Variants in MFSD11 observed in about 807,000 individuals in gnomAD.
MFSD11 encodes the protein UNC93-like protein MFSD11.
A neutral mutation model predicts 53.5 loss-of-function variants in MFSD11; 36 were observed. The observed-to-expected ratio is 0.67, with a 90% CI of 0.52 to 0.89. MFSD11 has a LOEUF of 0.89. MFSD11 is among the 40% of genes least tolerant of loss of function. MFSD11 has a pLI of 0.00. For missense variants in MFSD11, 530 were observed against 543.9 expected, an observed-to-expected ratio of 0.97 and a Z score of 0.25; for synonymous variants, 186 against 184.9, an observed-to-expected ratio of 1.01 and a Z score of -0.05.
intron 10 of MFSD11, 55 bp from the exon 11 acceptor site, chr17:76,774,942 T>C: frequency 6.4e-7 from 1 of 1,564,332 alleles, no homozygotes; most frequent in South Asian, 1.2e-5. Context: ...AACTCAGGCC[T>C]GGGTATGTGA....
chr17:76,780,333 T>C (rs1310141896), downstream of MFSD11, among the ~76,000 whole-genome samples: 2 of 152,070 alleles, frequency 1.3e-5, no homozygotes, highest in Non-Finnish European at 2.9e-5. Flanking sequence ...TTGTTTTTTT[T>C]TTCTTTTCAA....
In MFSD11 at chr17:76,739,338, C is replaced by T. The variant is rs187052869; in HGVS notation, c.152+345C>T. Among the ~76,000 whole-genome samples, 293 of 152,276 alleles carry T rather than the reference C, an allele frequency of 1.9e-3. 1 individual carries two copies. The highest frequency in any genetic ancestry group is 6.9e-3 in the African/African-American group (285 of 41,558). Reference sequence around the variant, plus strand: ...TCTAGTATTGTCATGATTAGAATTCCCAGTCCTATAGAAGATGTTGTGATT... The same window carrying T: ...TCTAGTATTGTCATGATTAGAATTCTCAGTCCTATAGAAGATGTTGTGATT... On this transcript the variant is annotated intron_variant, in intron 2 of 12. Transcript: ENST00000685175.
At chr17:76,754,280 G>C (rs1020935920) in intron 8 of MFSD11, 193 bp downstream of exon 8, 2 of 545,524 alleles carry the variant, frequency 3.7e-6, no homozygotes, top group African/African-American at 3.8e-5. Flanking sequence ...ATGGATGATG[G>C]TATGACTGCC....
In MFSD11 at chr17:76,743,443, A is replaced by G; in HGVS notation, c.483A>G (p.Lys161=). 6.3e-7 allele frequency: 1 copy of G among 1,578,866 alleles called. No individual in the cohort carries two copies. The highest frequency in any genetic ancestry group is 8.6e-7 in the Non-Finnish European group (1 of 1,164,966). The part of the protein sequence containing the change: ...NLYIYFAWQG[K]TQISESDRRT... ...ACATATATTTTGCCTGGCAAGGGAA[A>G]ACTCAGATATCAGGTTTGTTTTATT... The change falls in exon 6 of 13, where the codon AAA becomes AAG. Residue 161 remains lysine, a synonymous_variant. Coordinates refer to ENST00000685175, the MANE Select transcript of MFSD11 (RefSeq NM_001242532.5).
chr17:76,744,233 G>A, intron 6 of MFSD11, 89 bp from the exon 7 acceptor site: 4 of 1,272,678 alleles, frequency 3.1e-6, no homozygotes, highest in Non-Finnish European at 4.2e-6. Flanking sequence ...GAGGAAGTGT[G>A]TTGACAGTTG....
intron 9 of MFSD11, among the ~76,000 whole-genome samples, chr17:76,767,846 G>C (rs1598721976): frequency 1.3e-5 from 2 of 152,294 alleles, no homozygotes; most frequent in African/African-American, 4.8e-5. Flanking sequence ...ACTGGATTCT[G>C]TTGGTGACAG....
chr17:76,750,972 TG>T (rs2079006935), intron 7 of MFSD11, among the ~76,000 whole-genome samples: 1 of 151,804 alleles, frequency 6.6e-6, no homozygotes, highest in South Asian at 2.1e-4. Flanking sequence ...GGCTAATTTT[TG>T]TATTTTTAGT....
intron 8 of MFSD11, among the ~76,000 whole-genome samples, chr17:76,761,852 C>T (rs1343834753): frequency 2.7e-5 from 4 of 150,448 alleles, no homozygotes; most frequent in African/African-American, 9.8e-5. Flanking sequence ...ACCCAGGAGG[C>T]GGAGCTTGCA....
intron 8 of MFSD11, among the ~76,000 whole-genome samples, chr17:76,764,396 A>G (rs918356769): frequency 6.6e-6 from 1 of 152,036 alleles, no homozygotes; most frequent in African/African-American, 2.4e-5. Flanking sequence ...TCTTTAACCA[A>G]CGTCTCCCTA....
chr17:76,772,514 CTT>C (rs1253072933), intron 10 of MFSD11, among the ~76,000 whole-genome samples: 2,537 of 132,838 alleles, frequency 0.019, 72 homozygotes, highest in African/African-American at 0.061. Context: ...ACCTTAGTAA[CTT>C]TTTTTTTTTT....
Position 76,775,052 on chromosome 17 carries a change from T to C in MFSD11, c.930T>C (p.Val310=). ...SKNNRFGRNP[V]VLLGILVHFI... is the part of the protein sequence containing the mutation. ...ACAATCGTTTTGGTAGAAATCCAGT[T>C]GTGCTGTTGGGCATCCTGGTGCACT... Residue 310 remains valine (V), a synonymous_variant, in exon 11 of 13, where the codon GTT becomes GTC. Transcript: ENST00000685175. 6.2e-7 allele frequency: 1 copy of C among 1,614,128 alleles called. No homozygotes were observed. Among genetic ancestry groups the C allele is most frequent in the East Asian group, 2.2e-5 (1 of 44,884 alleles).
chr17:76,740,756 A>G (rs1169290814), intron 2 of MFSD11, among the ~76,000 whole-genome samples: 1 of 152,212 alleles, frequency 6.6e-6, no homozygotes, highest in African/African-American at 2.4e-5. Context: ...CCCAAGGCAC[A>G]GTTGGTGGGC....
chr17:76,737,210 G>T, upstream of MFSD11: 1 of 1,482,600 alleles, frequency 6.7e-7, no homozygotes, highest in South Asian at 1.3e-5. Flanking sequence ...GGCTTCCTCA[G>T]CTCTGGGCGG....
chr17:76,737,193 TGGCGCC>T, upstream of MFSD11: 1 of 1,512,680 alleles, frequency 6.6e-7, no homozygotes, highest in South Asian at 1.3e-5. Context: ...CCCCGCGAAC[TGGCGCC>T]GGCTTCCTCA....
In MFSD11 at chr17:76,738,984, G is replaced by A. The variant is rs777502362; in HGVS notation, c.143G>A (p.Gly48Glu). 6.2e-7 allele frequency: 1 copy of A among 1,613,366 alleles called. No homozygotes were observed. Among genetic ancestry groups the A allele is most frequent in the African/African-American group, 1.3e-5 (1 of 74,998 alleles). ...AATAGGACAGATTTTCACGGCAGTG[G>A]ATATACCAGGTATTGTACCGTATGA... ...SLNRTDFHGS[G>E]YTSMAIIYGV... is the part of the protein sequence containing the mutation. Residue 48 changes from glycine to glutamate, a missense_variant, in exon 2 of 13, where the codon GGA becomes GAA. Coordinates refer to ENST00000685175, the MANE Select transcript of MFSD11 (RefSeq NM_001242532.5).
chr17:76,747,622 C>T (rs9912248), intron 7 of MFSD11, among the ~76,000 whole-genome samples: 6,361 of 152,150 alleles, frequency 0.042, 410 homozygotes, highest in African/African-American at 0.14. Context: ...CGTGAGCCAC[C>T]GCGCCTGGCA....
intron 2 of MFSD11, 147 bp downstream of exon 2, chr17:76,739,140 A>G (rs977866378): frequency 1.1e-5 from 7 of 647,834 alleles, no homozygotes; most frequent in Non-Finnish European, 1.9e-5. Flanking sequence ...ACATAATAGA[A>G]TAAAGCTGAT....
chr17:76,794,946 G>T, the MFSD11 span, among the ~76,000 whole-genome samples: 25 of 150,872 alleles, frequency 1.7e-4, no homozygotes, highest in African/African-American at 2.4e-5. Context: ...CACCTGCCTC[G>T]GCCTTCAAAA....
the MFSD11 span, among the ~76,000 whole-genome samples, chr17:76,801,132 C>T: frequency 6.6e-6 from 1 of 151,456 alleles, no homozygotes; most frequent in Non-Finnish European, 1.5e-5. Context: ...TGCCTCACGT[C>T]TGTAATCCCA....
Sources: gnomAD v4.1 joint callset for allele counts (sites outside exome capture counted in the v4.1 genomes callset) on GRCh38, gnomAD v4.1.1 for gene constraint, MANE v1.5 for transcripts, NCBI Gene and HGNC (gene_info 2026-07-23, HGNC 2026-07-21) for gene names.